The following ATG5 variants were observed in gnomAD, a reference collection of about 807,000 sequenced individuals.
ATG5 encodes the protein autophagy related 5.
A neutral mutation model predicts 36.5 loss-of-function variants in ATG5; 14 were observed. The observed-to-expected ratio is 0.38, with a 90% CI of 0.25 to 0.60. ATG5 has a LOEUF of 0.60. Among genes scored for constraint, ATG5 ranks in the 20% least tolerant of loss-of-function variants. The pLI, the probability that ATG5 is intolerant of heterozygous loss-of-function variation, is 0.60. For missense variants in ATG5, 195 were observed against 326.7 expected (o/e 0.60, Z 3.11); for synonymous variants, 95 against 101.5 (o/e 0.94, Z 0.38).
chr6:106,277,069 G>GA (rs1240657748), intron 5 of ATG5, among the ~76,000 whole-genome samples: 1 of 151,992 alleles, frequency 6.6e-6, no homozygotes, highest in Admixed American at 6.6e-5. Flanking sequence ...AATGAGAAAT[G>GA]AAAAAATGTA....
At chr6:106,256,412 T>C (rs1778800548) in intron 5 of ATG5, among the ~76,000 whole-genome samples, 1 of 152,214 alleles carries the variant, frequency 6.6e-6, no homozygotes, top group African/African-American at 2.4e-5. Flanking sequence ...CCAGACCAAT[T>C]ACCTGATTTC....
Position 106,256,560 on chromosome 6 carries a change from T to C in ATG5, c.479-8316A>G, listed in dbSNP as rs562489672. On this transcript the variant is annotated intron_variant, in intron 5 of 7. Transcript: ENST00000369076. ...GATTCTGAGAAATGCATCAGGCAAT[T>C]TCATCATGCGAACATCATAGAATGT... Among the ~76,000 whole-genome samples, 6 of 152,248 alleles carry C rather than the reference T, an allele frequency of 3.9e-5. No homozygotes were observed. The South Asian group carries it at 1.2e-3, about 32-fold the overall frequency.
At chr6:106,295,694 G>C (rs995918134) in intron 3 of ATG5, among the ~76,000 whole-genome samples, 21 of 151,914 alleles carry the variant, frequency 1.4e-4, no homozygotes, top group African/African-American at 5.1e-4. Context: ...CTCCTGAGTG[G>C]CTGGGACTAC....
intron 5 of ATG5, among the ~76,000 whole-genome samples, chr6:106,275,265 T>C (rs1349727646): frequency 6.6e-6 from 1 of 152,226 alleles, no homozygotes; most frequent in Non-Finnish European, 1.5e-5. Flanking sequence ...CTCCAAAATA[T>C]ATTTTCTACA....
In ATG5 at chr6:106,241,406, T is replaced by A. The variant is rs554700422; in HGVS notation, c.573+6744A>T. Reference sequence around the variant, plus strand: ...GTGCACTGTTGGTGGGAATGTAAAGTGGTACAGCTACTACGGAAAACAGTA... The same window carrying A: ...GTGCACTGTTGGTGGGAATGTAAAGAGGTACAGCTACTACGGAAAACAGTA... On this transcript the variant is annotated intron_variant, in intron 6 of 7. Transcript: ENST00000369076. 6.6e-5 allele frequency among the ~76,000 whole-genome samples: 10 copies of A among 152,300 alleles called. No homozygotes were observed. The East Asian group carries it at 9.6e-4, about 15-fold the overall frequency.
intron 6 of ATG5, among the ~76,000 whole-genome samples, chr6:106,227,854 T>A (rs1425149041): frequency 1.3e-5 from 2 of 152,180 alleles, no homozygotes; most frequent in African/African-American, 2.4e-5. Flanking sequence ...TATAAAATCT[T>A]ATCAGGTAAA....
chr6:106,257,416 A>G (rs1488193187), intron 5 of ATG5, among the ~76,000 whole-genome samples: 1 of 152,226 alleles, frequency 6.6e-6, no homozygotes, highest in Non-Finnish European at 1.5e-5. Flanking sequence ...CCACAAATCT[A>G]TGAGTAATGC....
chr6:106,323,091 TTTTG>T (rs1554227032), intron 1 of ATG5, among the ~76,000 whole-genome samples: 2 of 151,738 alleles, frequency 1.3e-5, no homozygotes, highest in Non-Finnish European at 2.9e-5. Context: ...GGTTTGTTTT[TTTTG>T]TTTGTTTGTT....
intron 6 of ATG5, among the ~76,000 whole-genome samples, chr6:106,233,907 T>C (rs907569011): frequency 6.6e-6 from 1 of 152,164 alleles, no homozygotes; most frequent in African/African-American, 2.4e-5. Context: ...CCCAGAAATA[T>C]TGATGCCCCA....
rs1770526560 is a variant in ATG5, at chr6:106,308,300, GGC to G, written c.236+62_236+63del. 3 of 1,352,580 alleles carry G rather than the reference GGC, an allele frequency of 2.2e-6. No homozygotes were observed. The African/African-American group carries it at 4.5e-5, about 20-fold the overall frequency. 83.8% of individuals were successfully genotyped at this position (1,352,580 alleles called of 1,614,324 possible). ...AGGACTTTTTTTACAATTGTTTCAGGGCACTATACCTTTTTAAAGCTAGTATA... is the reference window on the plus strand; with the variant it reads ...AGGACTTTTTTTACAATTGTTTCAGGACTATACCTTTTTAAAGCTAGTATA... On this transcript the variant is annotated intron_variant, in intron 3 of 7. Transcript: ENST00000369076.
chr6:106,307,359 C>A (rs1199265078), intron 3 of ATG5, among the ~76,000 whole-genome samples: 3 of 152,054 alleles, frequency 2.0e-5, no homozygotes, highest in Admixed American at 6.6e-5. Flanking sequence ...AGCATTTCAA[C>A]ATTAACATCC....
intron 5 of ATG5, among the ~76,000 whole-genome samples, chr6:106,261,097 ATTAGAG>A (rs1779000739): frequency 6.6e-6 from 1 of 152,242 alleles, no homozygotes; most frequent in African/African-American, 2.4e-5. Flanking sequence ...GCAAGTTTAA[ATTAGAG>A]TTAAAGAGTG....
At chr6:106,286,621 C>T (rs1394101382) in intron 4 of ATG5, among the ~76,000 whole-genome samples, 14 of 152,114 alleles carry the variant, frequency 9.2e-5, no homozygotes, top group Admixed American at 9.2e-4. Context: ...TCAAAGAATG[C>T]GGCAAAGGTG....
chr6:106,274,725 C>T (rs950652416), intron 5 of ATG5, among the ~76,000 whole-genome samples: 10 of 152,092 alleles, frequency 6.6e-5, no homozygotes, highest in African/African-American at 2.4e-4. Context: ...ATATTATTTC[C>T]TGTTAGTATT....
At chr6:106,241,817 C>A (rs1380349331) in intron 6 of ATG5, among the ~76,000 whole-genome samples, 1 of 152,156 alleles carries the variant, frequency 6.6e-6, no homozygotes. Context: ...TCCCATCACC[C>A]TGGCTTGGTG....
At chr6:106,321,321 C>G (rs931225823) in intron 1 of ATG5, among the ~76,000 whole-genome samples, 2 of 150,820 alleles carry the variant, frequency 1.3e-5, no homozygotes, top group Admixed American at 1.3e-4. Flanking sequence ...CACTTTTTCC[C>G]TCCTCTTTTG....
chr6:106,240,861 G>A (rs904904761), intron 6 of ATG5, among the ~76,000 whole-genome samples: 19 of 152,100 alleles, frequency 1.2e-4, no homozygotes, highest in Admixed American at 1.2e-3. Context: ...CATTAAAAAA[G>A]AATAAATTAG....
At chr6:106,298,262 G>A (rs1267532419) in intron 3 of ATG5, among the ~76,000 whole-genome samples, 1 of 152,028 alleles carries the variant, frequency 6.6e-6, no homozygotes, top group Non-Finnish European at 1.5e-5. Context: ...CCCAGCGCTA[G>A]CCTGTCAAAA....
intron 5 of ATG5, 71 bp from the exon 6 acceptor site, chr6:106,248,315 G>GA: frequency 8.7e-7 from 1 of 1,151,206 alleles, no homozygotes; most frequent in East Asian, 2.4e-5. Flanking sequence ...ATGAAGAGAT[G>GA]AAAGTTTTAA....
Sources: allele counts gnomAD v4.1 joint callset (sites outside exome capture counted in the v4.1 genomes callset), GRCh38; gene constraint gnomAD v4.1.1; transcripts MANE v1.5; gene names NCBI Gene and HGNC (gene_info 2026-07-23, HGNC 2026-07-21).